The following PEX5L variants were observed in gnomAD, a reference collection of about 807,000 sequenced individuals.
PEX5L encodes peroxisomal biogenesis factor 5 like, also known as PEX5-related protein.
A neutral mutation model predicts 84.0 loss-of-function variants in PEX5L; 30 were observed. The observed-to-expected ratio is 0.36, with a 90% CI of 0.27 to 0.48. The LOEUF (loss-of-function observed/expected upper bound fraction) is 0.48, where lower values mean the gene tolerates loss of function less well. Among genes scored for constraint, PEX5L ranks in the 20% least tolerant of loss-of-function variants. PEX5L has a pLI of 0.99. For missense variants in PEX5L, 533 were observed against 754.6 expected (o/e 0.71, Z 3.44); for synonymous variants, 270 against 283.1 (o/e 0.95, Z 0.46).
intron 8 of PEX5L, among the ~76,000 whole-genome samples, chr3:179,846,909 A>C (rs1188436674): frequency 6.6e-6 from 1 of 152,112 alleles, no homozygotes; most frequent in Non-Finnish European, 1.5e-5. Context: ...CAGAGTCTCC[A>C]GTATGCAAAT....
At chr3:179,953,034 AAAC>A in intron 2 of PEX5L, among the ~76,000 whole-genome samples, 2 of 152,192 alleles carry the variant, frequency 1.3e-5, no homozygotes, top group Non-Finnish European at 2.9e-5. Flanking sequence ...GGTGTTGAGA[AAAC>A]TGGCTAGCCA....
intron 2 of PEX5L, among the ~76,000 whole-genome samples, chr3:179,916,305 C>T (rs914448791): frequency 1.3e-5 from 2 of 152,186 alleles, no homozygotes; most frequent in Admixed American, 1.3e-4. Flanking sequence ...TGCTCTTAGA[C>T]TCCAAACTCA....
At chr3:179,806,980 A>G (rs1349631903) in intron 14 of PEX5L, among the ~76,000 whole-genome samples, 1 of 152,230 alleles carries the variant, frequency 6.6e-6, no homozygotes, top group Non-Finnish European at 1.5e-5. Context: ...ATACCGGTTT[A>G]TTTAGAAAAT....
At chr3:179,973,930 T>C in intron 1 of PEX5L, 3 of 985,512 alleles carry the variant, frequency 3.0e-6, no homozygotes, top group Non-Finnish European at 2.4e-6. Flanking sequence ...AGTTTTACTC[T>C]AGAATTAAGC....
chr3:179,950,269 A>C (rs550845350), intron 2 of PEX5L, among the ~76,000 whole-genome samples: 100 of 152,006 alleles, frequency 6.6e-4, no homozygotes, highest in Non-Finnish European at 1.4e-3. Context: ...ACAAAAAAAC[A>C]AACACCGCAT....
At chr3:179,802,516 C>T (rs1719285186) in intron 14 of PEX5L, among the ~76,000 whole-genome samples, 1 of 109,162 alleles carries the variant, frequency 9.2e-6, no homozygotes, top group African/African-American at 3.7e-5. Flanking sequence ...GCCTGGGCAA[C>T]AGAGTGAGAC....
intron 1 of PEX5L, among the ~76,000 whole-genome samples, chr3:180,007,795 G>A (rs918513495): frequency 5.3e-5 from 8 of 152,182 alleles, no homozygotes; most frequent in African/African-American, 9.7e-5. Context: ...TCTTCCAGCC[G>A]TGGCCGGAGT....
chr3:180,033,163 C>T (rs774244921), intron 1 of PEX5L, among the ~76,000 whole-genome samples: 2 of 152,058 alleles, frequency 1.3e-5, no homozygotes, highest in African/African-American at 2.4e-5. Flanking sequence ...TATAGAAAAA[C>T]AAATGCAAAA....
At chr3:179,985,130 C>T (rs1786687368) in intron 1 of PEX5L, among the ~76,000 whole-genome samples, 1 of 152,184 alleles carries the variant, frequency 6.6e-6, no homozygotes, top group South Asian at 2.1e-4. Context: ...GGCACAGCTC[C>T]TGACTTCTTT....
At chr3:179,870,634 C>T (rs185291487) in intron 7 of PEX5L, among the ~76,000 whole-genome samples, 7 of 152,330 alleles carry the variant, frequency 4.6e-5, no homozygotes. Flanking sequence ...TTTACTCTTC[C>T]TCTAAGAGTA....
At chr3:179,889,572 A>G (rs1253302781) in intron 3 of PEX5L, among the ~76,000 whole-genome samples, 3 of 152,116 alleles carry the variant, frequency 2.0e-5, no homozygotes, top group South Asian at 2.1e-4. Flanking sequence ...TCTTTCTTCA[A>G]TTATTGTAAG....
At chr3:179,875,521 C>A in intron 5 of PEX5L, 44 bp from the exon 6 acceptor site, 2 of 756,334 alleles carry the variant, frequency 2.6e-6, no homozygotes. Flanking sequence ...GGCGGCAGGG[C>A]GGGGTAGGGG....
At chr3:179,914,400 T>A (rs1425689199) in intron 2 of PEX5L, among the ~76,000 whole-genome samples, 1 of 152,218 alleles carries the variant, frequency 6.6e-6, no homozygotes, top group East Asian at 1.9e-4. Flanking sequence ...TCACTTGGAA[T>A]TCCCTTCTCG....
chr3:179,869,719 G>A (rs1749619989), intron 7 of PEX5L, among the ~76,000 whole-genome samples: 1 of 152,098 alleles, frequency 6.6e-6, no homozygotes, highest in South Asian at 2.1e-4. Context: ...TAACTCCCAG[G>A]AAGGAACACT....
chr3:179,892,878 G>A (rs1181627880), intron 3 of PEX5L, among the ~76,000 whole-genome samples: 4 of 152,076 alleles, frequency 2.6e-5, no homozygotes, highest in African/African-American at 4.8e-5. Flanking sequence ...GAAGGACTTG[G>A]ACCAATGTGA....
intron 2 of PEX5L, among the ~76,000 whole-genome samples, chr3:179,969,485 T>A (rs1261270573): frequency 6.6e-6 from 1 of 152,128 alleles, no homozygotes; most frequent in Non-Finnish European, 1.5e-5. Flanking sequence ...CTTAATTTGT[T>A]GACCTCTTAA....
At chr3:179,946,982 T>C (rs1381365138) in intron 2 of PEX5L, among the ~76,000 whole-genome samples, 1 of 152,218 alleles carries the variant, frequency 6.6e-6, no homozygotes, top group East Asian at 1.9e-4. Flanking sequence ...TGGGTATGTA[T>C]TGAGTAGCCT....
At chr3:179,966,933 G>A (rs1434755050) in intron 2 of PEX5L, among the ~76,000 whole-genome samples, 1 of 152,122 alleles carries the variant, frequency 6.6e-6, no homozygotes, top group Non-Finnish European at 1.5e-5. Context: ...GGTTGTGAGA[G>A]GAAAGGCAAG....
At chr3:179,812,398 T>C (rs1212757382) in intron 10 of PEX5L, among the ~76,000 whole-genome samples, 1 of 152,164 alleles carries the variant, frequency 6.6e-6, no homozygotes, top group Non-Finnish European at 1.5e-5. Flanking sequence ...GTAATCACTG[T>C]TAAAATGCAC....
Sources: allele counts gnomAD v4.1 joint callset (sites outside exome capture counted in the v4.1 genomes callset), GRCh38; gene constraint gnomAD v4.1.1; transcripts MANE v1.5; gene names NCBI Gene and HGNC (gene_info 2026-07-23, HGNC 2026-07-21).